The following PSMA8 variants were observed in gnomAD, a reference collection of about 807,000 sequenced individuals.
The protein encoded by PSMA8 is proteasome subunit alpha-type 8.
A neutral mutation model predicts 32.4 loss-of-function variants in PSMA8; 18 were observed. That is an observed-to-expected ratio of 0.56 (90% CI 0.38 to 0.82). PSMA8 has a LOEUF of 0.82. Among genes scored for constraint, PSMA8 ranks in the 40% least tolerant of loss-of-function variants. The pLI is 0.00. For missense variants in PSMA8, 298 were observed against 300.7 expected, an observed-to-expected ratio of 0.99 and a Z score of 0.07; for synonymous variants, 104 against 98.1, an observed-to-expected ratio of 1.06 and a Z score of -0.36.
intron 6 of PSMA8, among the ~76,000 whole-genome samples, chr18:26,187,266 A>C (rs1180221022): frequency 2.0e-5 from 3 of 152,108 alleles, no homozygotes; most frequent in African/African-American, 7.2e-5. Flanking sequence ...GAATCACTTG[A>C]GCCTAGGGTG....
chr18:26,134,088 G>T (rs780791633), intron 1 of PSMA8, 21 bp downstream of exon 1: 8 of 1,571,014 alleles, frequency 5.1e-6, no homozygotes, highest in Non-Finnish European at 7.0e-6. Context: ...AACTATTACC[G>T]GACTATTCCC....
intron 2 of PSMA8, among the ~76,000 whole-genome samples, chr18:26,147,210 C>CAAAA (rs57358976): frequency 4.4e-4 from 21 of 48,178 alleles, no homozygotes; most frequent in African/African-American, 9.1e-4. Context: ...CACCCTGTCT[C>CAAAA]AAAAAAAAAA....
intron 4 of PSMA8, among the ~76,000 whole-genome samples, chr18:26,159,413 A>G (rs2055117646): frequency 6.6e-6 from 1 of 152,172 alleles, no homozygotes; most frequent in Admixed American, 6.6e-5. Context: ...GTATAGATTT[A>G]CATGCTGCAA....
At chr18:26,148,100 A>G (rs541695246) in intron 2 of PSMA8, among the ~76,000 whole-genome samples, 185 of 152,294 alleles carry the variant, frequency 1.2e-3, no homozygotes, top group African/African-American at 4.2e-3. Context: ...AAACATTTTA[A>G]TGAAGAATTA....
At chr18:26,186,175 G>C (rs577220916) in intron 6 of PSMA8, among the ~76,000 whole-genome samples, 4 of 149,200 alleles carry the variant, frequency 2.7e-5, no homozygotes, top group Non-Finnish European at 5.9e-5. Context: ...CTTGAACCTG[G>C]GAGGCAGAGG....
Position 26,179,101 on chromosome 18 carries a change from G to T in PSMA8, c.631G>T (p.Ala211Ser). 6.2e-7 allele frequency: 1 copy of T among 1,612,594 alleles called. No individual in the cohort carries two copies. Among genetic ancestry groups the T allele is most frequent in the Non-Finnish European group, 8.5e-7 (1 of 1,179,080 alleles). Reference protein sequence around the residue: ...VQSGGKNIELAIIRRNQPLKM... With the variant: ...VQSGGKNIELSIIRRNQPLKM... ...GTCTGGTGGAAAAAACATTGAACTTGCTATAATAAGAAGAAATCAACCTTT... is the reference window on the plus strand; with the variant it reads ...GTCTGGTGGAAAAAACATTGAACTTTCTATAATAAGAAGAAATCAACCTTT... The change falls in exon 6 of 7, where the codon GCT (alanine) becomes TCT (serine). Residue 211 changes from alanine to serine, a missense_variant. Coordinates refer to ENST00000415576, the MANE Select transcript of PSMA8 (RefSeq NM_001025096.2).
chr18:26,183,892 C>T (rs1023186088), intron 6 of PSMA8, among the ~76,000 whole-genome samples: 8 of 150,728 alleles, frequency 5.3e-5, no homozygotes, highest in African/African-American at 2.0e-4. Context: ...ACAGCCACTT[C>T]AACCTTCAGC....
intron 4 of PSMA8, among the ~76,000 whole-genome samples, chr18:26,165,563 G>A (rs1460129461): frequency 6.6e-6 from 1 of 151,190 alleles, no homozygotes; most frequent in Non-Finnish European, 1.5e-5. Flanking sequence ...ATAGGTTCAA[G>A]GGAATTTTCC....
At chr18:26,154,101 C>T (rs2055067818) in intron 3 of PSMA8, among the ~76,000 whole-genome samples, 1 of 152,044 alleles carries the variant, frequency 6.6e-6, no homozygotes, top group South Asian at 2.1e-4. Flanking sequence ...GATGTTTCAC[C>T]ATGTTGGCCA....
chr18:26,167,356 G>C (rs1168694148), intron 4 of PSMA8, among the ~76,000 whole-genome samples: 1 of 152,180 alleles, frequency 6.6e-6, no homozygotes, highest in East Asian at 1.9e-4. Flanking sequence ...TGTGAAGCCA[G>C]AGAGTAAATA....
intron 6 of PSMA8, among the ~76,000 whole-genome samples, chr18:26,179,394 G>A (rs1343741259): frequency 1.3e-5 from 2 of 151,686 alleles, no homozygotes; most frequent in Non-Finnish European, 2.9e-5. Flanking sequence ...TTGGCCTCCA[G>A]TGCTGGGATT....
At chr18:26,188,418 A>G (rs542773738) in intron 6 of PSMA8, among the ~76,000 whole-genome samples, 1 of 152,136 alleles carries the variant, frequency 6.6e-6, no homozygotes, top group South Asian at 2.1e-4. Context: ...CATACTACCC[A>G]AAGTAATCTA....
chr18:26,189,939 C>T (rs2055388021), intron 6 of PSMA8, among the ~76,000 whole-genome samples: 1 of 152,190 alleles, frequency 6.6e-6, no homozygotes, highest in Admixed American at 6.5e-5. Flanking sequence ...GTGATACTTA[C>T]ACACAATGAA....
intron 1 of PSMA8, among the ~76,000 whole-genome samples, chr18:26,139,189 G>A (rs9962606): frequency 0.056 from 8,560 of 152,204 alleles, 711 homozygotes; most frequent in African/African-American, 0.18. Context: ...ATCCTTACTC[G>A]CTGTTTTGCT....
intron 3 of PSMA8, among the ~76,000 whole-genome samples, chr18:26,154,957 G>C (rs889545488): frequency 6.6e-6 from 1 of 152,018 alleles, no homozygotes; most frequent in Non-Finnish European, 1.5e-5. Flanking sequence ...TCTAGGCACG[G>C]TGGCTTATGC....
chr18:26,165,822 G>C (rs571809959), intron 4 of PSMA8, among the ~76,000 whole-genome samples: 399 of 152,218 alleles, frequency 2.6e-3, no homozygotes, highest in Non-Finnish European at 3.4e-3. Flanking sequence ...ACGGCCAGGC[G>C]TGGTGGCTCA....
At chr18:26,171,729 G>A (rs1016644337) in intron 4 of PSMA8, among the ~76,000 whole-genome samples, 14 of 150,376 alleles carry the variant, frequency 9.3e-5, no homozygotes, top group Admixed American at 2.0e-4. Context: ...GTGAGACTCC[G>A]TCTCAAAAAA....
chr18:26,175,727 C>T (rs570671325), intron 4 of PSMA8, among the ~76,000 whole-genome samples: 7 of 152,178 alleles, frequency 4.6e-5, no homozygotes, highest in Non-Finnish European at 7.3e-5. Context: ...ACAACAAAGA[C>T]CTGATGATGC....
intron 4 of PSMA8, among the ~76,000 whole-genome samples, chr18:26,170,316 C>T (rs2055210686): frequency 7.6e-6 from 1 of 131,828 alleles, no homozygotes; most frequent in Non-Finnish European, 1.5e-5. Flanking sequence ...AAGGTGGCAA[C>T]ATTTATCTAC....
Sources: allele counts gnomAD v4.1 joint callset (sites outside exome capture counted in the v4.1 genomes callset), GRCh38; gene constraint gnomAD v4.1.1; transcripts MANE v1.5; gene names NCBI Gene and HGNC (gene_info 2026-07-23, HGNC 2026-07-21).